ZDHHC14: variants seen among roughly 807,000 people sequenced by gnomAD.
ZDHHC14 encodes palmitoyltransferase ZDHHC14.
ZDHHC14 carries 16 observed loss-of-function variants against 47.7 expected under a neutral mutation model. The ratio of observed to expected loss-of-function variants is 0.34; its 90% CI spans 0.23 to 0.51. ZDHHC14 has a LOEUF of 0.51. ZDHHC14 is among the 20% of genes least tolerant of loss of function. ZDHHC14 has a pLI of 0.97. For missense variants in ZDHHC14, 515 were observed against 662.5 expected (o/e 0.78, Z 2.44); for synonymous variants, 293 against 278.9 (o/e 1.05, Z -0.50).
At chr6:157,540,910 G>GTGTATATATATATATATATATATATA (rs1284429244) in intron 1 of ZDHHC14, among the ~76,000 whole-genome samples, 19 of 122,964 alleles carry the variant, frequency 1.5e-4, no homozygotes, top group African/African-American at 6.1e-4. Context: ...GTGTGTGTGT[G>GTGTATATATATATATATATATATATA]TATATATATA....
intron 1 of ZDHHC14, among the ~76,000 whole-genome samples, chr6:157,456,421 T>G (rs1252557901): frequency 6.6e-6 from 1 of 152,160 alleles, no homozygotes; most frequent in Non-Finnish European, 1.5e-5. Context: ...CTCTCCCTAG[T>G]CATAAGTGTG....
At chr6:157,526,356 C>T (rs182718798) in intron 1 of ZDHHC14, among the ~76,000 whole-genome samples, 113 of 152,234 alleles carry the variant, frequency 7.4e-4, no homozygotes, top group East Asian at 3.7e-3. Flanking sequence ...CCCCAGTGCC[C>T]GGCGTCCACT....
intron 7 of ZDHHC14, among the ~76,000 whole-genome samples, chr6:157,652,202 G>A (rs189248505): frequency 4.1e-4 from 63 of 152,218 alleles, no homozygotes; most frequent in Non-Finnish European, 7.4e-4. Context: ...TGAGGATCCC[G>A]TCACAAGTGG....
intron 7 of ZDHHC14, among the ~76,000 whole-genome samples, chr6:157,652,591 C>T (rs2114991189): frequency 6.6e-6 from 1 of 152,326 alleles, no homozygotes; most frequent in African/African-American, 2.4e-5. Flanking sequence ...GAGCCCAGCA[C>T]CGTAGAGTAC....
chr6:157,579,259 G>A (rs142060043), intron 2 of ZDHHC14, among the ~76,000 whole-genome samples: 2,474 of 143,496 alleles, frequency 0.017, 73 homozygotes, highest in African/African-American at 0.062. Context: ...GTGCAGTGGC[G>A]CGATCTCGGC....
rs140756867 is a variant in ZDHHC14 at position 157,569,665 on chromosome 6, T to G, written c.407-23323T>G. On this transcript the variant is annotated intron_variant, in intron 2 of 8. Coordinates refer to ENST00000359775, the MANE Select transcript of ZDHHC14 (RefSeq NM_024630.3). ...ATGTATAAAGTAAGTTGGGAAGAAG[T>G]GACATATTTAAAATACTGAATCTTC... Among the ~76,000 whole-genome samples, 24 of 152,258 alleles carry G rather than the reference T, an allele frequency of 1.6e-4. No homozygotes were observed. In the East Asian group the frequency reaches 3.9e-3, roughly 24 times the overall value.
At chr6:157,625,332 A>G (rs1426607374) in intron 3 of ZDHHC14, among the ~76,000 whole-genome samples, 1 of 152,134 alleles carries the variant, frequency 6.6e-6, no homozygotes, top group Non-Finnish European at 1.5e-5. Context: ...CTGAAGAGGC[A>G]CGTGTTTGGG....
At chr6:157,552,858 C>A (rs1373118078) in intron 2 of ZDHHC14, among the ~76,000 whole-genome samples, 1 of 152,202 alleles carries the variant, frequency 6.6e-6, no homozygotes, top group Non-Finnish European at 1.5e-5. Flanking sequence ...GACTGGGAAT[C>A]TGATCTAACC....
chr6:157,607,181 G>A (rs1487007559), intron 3 of ZDHHC14, among the ~76,000 whole-genome samples: 1 of 152,092 alleles, frequency 6.6e-6, no homozygotes, highest in Admixed American at 6.6e-5. Context: ...GGGCCTCAGC[G>A]GAATGCTGAG....
intron 2 of ZDHHC14, among the ~76,000 whole-genome samples, chr6:157,564,100 T>C (rs1317915849): frequency 6.6e-6 from 1 of 152,186 alleles, no homozygotes; most frequent in Non-Finnish European, 1.5e-5. Context: ...CTTAGTGAAA[T>C]TGACAAAAGA....
At position 157,602,506 on chromosome 6, in the gene ZDHHC14, A is replaced by AG. The variant is rs1554272150; in HGVS notation, c.565+9360_565+9361insG. Among the ~76,000 whole-genome samples the AG allele has an allele frequency of 3.0e-3, 437 of 145,448 alleles. 9 individuals are homozygous for AG. The highest frequency in any genetic ancestry group is 7.7e-3 in the African/African-American group (299 of 39,046). On this transcript the variant is annotated intron_variant, in intron 3 of 8. Coordinates refer to ENST00000359775, the MANE Select transcript of ZDHHC14 (RefSeq NM_024630.3). ...CTCCGTTTCAAAAAAAAAAAAAAAA[A>AG]AACGCATTCAGTGCCACCGGGAGCT...
At chr6:157,481,766 T>A (rs905692426) in intron 1 of ZDHHC14, among the ~76,000 whole-genome samples, 9 of 152,236 alleles carry the variant, frequency 5.9e-5, no homozygotes, top group Middle Eastern at 3.2e-3. Context: ...AGCCCCTATT[T>A]TTTGCACCAT....
At chr6:157,633,235 C>T (rs1488191938) in intron 5 of ZDHHC14, among the ~76,000 whole-genome samples, 1 of 152,158 alleles carries the variant, frequency 6.6e-6, no homozygotes, top group Non-Finnish European at 1.5e-5. Flanking sequence ...TAGGGATGCC[C>T]ACGTGTGGGT....
At chr6:157,608,912 G>A (rs746971665) in intron 3 of ZDHHC14, among the ~76,000 whole-genome samples, 8 of 152,172 alleles carry the variant, frequency 5.3e-5, no homozygotes, top group Non-Finnish European at 1.0e-4. Context: ...AGAAAGATGT[G>A]GATGATTCCA....
chr6:157,614,586 C>T (rs890889563), intron 3 of ZDHHC14, among the ~76,000 whole-genome samples: 2 of 151,982 alleles, frequency 1.3e-5, no homozygotes, highest in African/African-American at 4.8e-5. Flanking sequence ...CTCTATAAAT[C>T]CTCTCAGAAA....
intron 5 of ZDHHC14, among the ~76,000 whole-genome samples, chr6:157,642,503 T>C (rs1777303137): frequency 6.6e-6 from 1 of 152,322 alleles, no homozygotes; most frequent in African/African-American, 2.4e-5. Context: ...AGTACCGCAG[T>C]GTGCAACCTC....
At chr6:157,407,639 G>T (rs1475336512) in intron 1 of ZDHHC14, among the ~76,000 whole-genome samples, 1 of 152,136 alleles carries the variant, frequency 6.6e-6, no homozygotes, top group Non-Finnish European at 1.5e-5. Flanking sequence ...AAAAAAGGTG[G>T]TCTCTTTTGA....
At chr6:157,424,852 C>T (rs1427665903) in intron 1 of ZDHHC14, among the ~76,000 whole-genome samples, 1 of 152,066 alleles carries the variant, frequency 6.6e-6, no homozygotes, top group Non-Finnish European at 1.5e-5. Context: ...CAACCCCACC[C>T]CAGGCCCCAG....
At chr6:157,549,715 G>A (rs1320567248) in intron 2 of ZDHHC14, among the ~76,000 whole-genome samples, 1 of 152,166 alleles carries the variant, frequency 6.6e-6, no homozygotes, top group South Asian at 2.1e-4. Flanking sequence ...GGTATTTGGG[G>A]AAATACCACA....
Sources: allele counts gnomAD v4.1 joint callset (sites outside exome capture counted in the v4.1 genomes callset), GRCh38; gene constraint gnomAD v4.1.1; transcripts MANE v1.5; gene names NCBI Gene and HGNC (gene_info 2026-07-23, HGNC 2026-07-21).